The following SNX14 variants were observed in gnomAD, a reference collection of about 807,000 sequenced individuals.
SNX14 encodes sorting nexin-14.
In SNX14, 93 loss-of-function variants were observed where a neutral mutation model predicts 133.8. The observed-to-expected ratio is 0.70, with a 90% CI of 0.59 to 0.83. SNX14 has a LOEUF of 0.83. Among genes scored for constraint, SNX14 ranks in the 40% least tolerant of loss-of-function variants. The pLI, the probability that SNX14 is intolerant of heterozygous loss-of-function variation, is 0.00. For missense variants in SNX14, 945 were observed against 1,094.9 expected (o/e 0.86, Z 1.93); for synonymous variants, 368 against 365.6 (o/e 1.01, Z -0.07).
chr6:85,535,353 G>A (rs533252696), intron 17 of SNX14, among the ~76,000 whole-genome samples: 3 of 151,736 alleles, frequency 2.0e-5, no homozygotes, highest in African/African-American at 7.2e-5. Flanking sequence ...AGTGGTTCAC[G>A]CCTGTAGTCT....
intron 1 of SNX14, among the ~76,000 whole-genome samples, chr6:85,578,868 G>A (rs2128217444): frequency 6.6e-6 from 1 of 152,276 alleles, no homozygotes; most frequent in East Asian, 1.9e-4. Context: ...GGGCGCAGTG[G>A]GTCACGCCTG....
At chr6:85,511,968 G>C (rs1772988070) in intron 26 of SNX14, among the ~76,000 whole-genome samples, 1 of 151,868 alleles carries the variant, frequency 6.6e-6, no homozygotes, top group Admixed American at 6.5e-5. Context: ...ATAGTCCTAG[G>C]AGGGGGTCTC....
intron 12 of SNX14, among the ~76,000 whole-genome samples, chr6:85,545,939 T>A (rs1375589688): frequency 6.6e-6 from 1 of 152,236 alleles, no homozygotes; most frequent in Non-Finnish European, 1.5e-5. Context: ...TGCCTCGGCC[T>A]CCCGAAGTGC....
intron 21 of SNX14, among the ~76,000 whole-genome samples, chr6:85,521,138 C>T (rs950324051): frequency 6.6e-6 from 1 of 152,126 alleles, no homozygotes; most frequent in Non-Finnish European, 1.5e-5. Flanking sequence ...GCGGTGTTTC[C>T]CAAACATGAT....
intron 20 of SNX14, among the ~76,000 whole-genome samples, chr6:85,526,928 G>T (rs754063809): frequency 7.2e-5 from 11 of 152,138 alleles, no homozygotes; most frequent in Non-Finnish European, 1.0e-4. Flanking sequence ...AATTAGCCAG[G>T]AGTGGCAGTG....
At chr6:85,542,577 G>A (rs906322137) in intron 14 of SNX14, among the ~76,000 whole-genome samples, 4 of 151,922 alleles carry the variant, frequency 2.6e-5, no homozygotes, top group African/African-American at 9.7e-5. Flanking sequence ...TGTATTTTTA[G>A]TAGAGAAGGG....
Position 85,549,789 on chromosome 6 carries a change from T to A in SNX14, c.725A>T (p.His242Leu). Reference sequence around the variant, plus strand: ...CAGTTCAGTAAGTTTCCTTAAATAGTGCAATTCATCTCTTCGACTTCTCAA... The same window carrying A: ...CAGTTCAGTAAGTTTCCTTAAATAGAGCAATTCATCTCTTCGACTTCTCAA... Reference protein sequence around the residue: ...VALRSRRDELHYLRKLTELLF... With the variant: ...VALRSRRDELLYLRKLTELLF... Residue 242 changes from histidine to leucine, a missense_variant, in exon 8 of 29, where the codon CAC becomes CTC. Transcript: ENST00000314673. The A allele has an allele frequency of 6.2e-7, 1 of 1,614,064 alleles. No individual in the cohort carries two copies. The highest frequency in any genetic ancestry group is 8.5e-7 in the Non-Finnish European group (1 of 1,179,948).
At chr6:85,536,979 G>C in intron 16 of SNX14, 55 bp from the exon 17 acceptor site, 1 of 1,488,322 alleles carries the variant, frequency 6.7e-7, no homozygotes, top group South Asian at 1.4e-5. Context: ...CAACAGTCTA[G>C]TTTATTGAAA....
chr6:85,584,901 A>G (rs1583135655), intron 1 of SNX14, among the ~76,000 whole-genome samples: 1 of 152,220 alleles, frequency 6.6e-6, no homozygotes, highest in East Asian at 1.9e-4. Flanking sequence ...ATTACTGGGT[A>G]TATACCCAAA....
chr6:85,541,911 T>G, intron 15 of SNX14, 74 bp downstream of exon 15: 1 of 1,109,010 alleles, frequency 9.0e-7, no homozygotes, highest in Non-Finnish European at 1.3e-6. Context: ...TTCAGAAAAA[T>G]AGCTAATAAA....
intron 1 of SNX14, among the ~76,000 whole-genome samples, chr6:85,591,834 AC>A: frequency 6.6e-6 from 1 of 152,010 alleles, no homozygotes; most frequent in South Asian, 2.1e-4. Flanking sequence ...ACATGGTGAA[AC>A]CCCCGTCTCT....
At chr6:85,547,681 C>A (rs2128097809) in intron 9 of SNX14, 131 bp from the exon 10 acceptor site, 1 of 721,012 alleles carries the variant, frequency 1.4e-6, no homozygotes, top group East Asian at 2.8e-5. Context: ...AGCAAAAAAT[C>A]TGCACATATG....
chr6:85,584,833 C>T (rs967005123), intron 1 of SNX14, among the ~76,000 whole-genome samples: 14 of 152,180 alleles, frequency 9.2e-5, no homozygotes, highest in South Asian at 2.1e-4. Context: ...TTGTGGAAGA[C>T]AGTGTGGTGA....
In SNX14 at chr6:85,591,896, C is replaced by CTG. The variant is rs566255356; in HGVS notation, c.140+1682_140+1683insCA. On this transcript the variant is annotated intron_variant, in intron 1 of 28. Transcript: ENST00000314673. ...GGCATGGTGGTGCCCACCTGTAGTC[C>CTG]CAGCTATTCTGCAGGCTGAGGCATG... Among the ~76,000 whole-genome samples, 271 of 152,238 alleles carry CTG rather than the reference C, an allele frequency of 1.8e-3. 4 individuals are homozygous for CTG. The highest frequency in any genetic ancestry group is 6.4e-3 in the African/African-American group (266 of 41,534).
chr6:85,564,889 T>A (rs1793228165), intron 6 of SNX14, among the ~76,000 whole-genome samples: 1 of 151,684 alleles, frequency 6.6e-6, no homozygotes, highest in Admixed American at 6.6e-5. Flanking sequence ...CTCGAGAGGC[T>A]GAGGCAGGAG....
At chr6:85,522,195 C>T (rs1305696895) in intron 21 of SNX14, among the ~76,000 whole-genome samples, 1 of 152,216 alleles carries the variant, frequency 6.6e-6, no homozygotes, top group Non-Finnish European at 1.5e-5. Flanking sequence ...CTGACTCCTT[C>T]CCCATTCTGC....
At chr6:85,523,339 G>C (rs1777495368) in intron 21 of SNX14, among the ~76,000 whole-genome samples, 1 of 152,174 alleles carries the variant, frequency 6.6e-6, no homozygotes. Context: ...AGGAGGATGG[G>C]AATCCAGGAG....
intron 1 of SNX14, among the ~76,000 whole-genome samples, chr6:85,584,816 T>A (rs1459523760): frequency 6.6e-6 from 1 of 152,198 alleles, no homozygotes; most frequent in African/African-American, 2.4e-5. Context: ...GTAAATTAGT[T>A]CCACCATTGT....
At chr6:85,588,574 T>TAAATAAATAA (rs1391178454) in intron 1 of SNX14, among the ~76,000 whole-genome samples, 6 of 76,974 alleles carry the variant, frequency 7.8e-5, no homozygotes, top group Non-Finnish European at 1.4e-4. Context: ...AGACTCCGTC[T>TAAATAAATAA]CTAAATAAAT....
Sources: gnomAD v4.1 joint callset for allele counts (sites outside exome capture counted in the v4.1 genomes callset) on GRCh38, gnomAD v4.1.1 for gene constraint, MANE v1.5 for transcripts, NCBI Gene and HGNC (gene_info 2026-07-23, HGNC 2026-07-21) for gene names.